Variants in LUZP2 observed in about 807,000 individuals in gnomAD.
LUZP2 encodes the protein leucine zipper protein 2.
A neutral mutation model predicts 51.6 loss-of-function variants in LUZP2; 52 were observed. The observed-to-expected ratio is 1.01, with a 90% confidence interval of 0.81 to 1.27. The LOEUF (loss-of-function observed/expected upper bound fraction) is 1.27, where lower values mean the gene tolerates loss of function less well. LUZP2 is among the 50% of genes most tolerant of loss of function. The pLI is 0.00. For missense variants in LUZP2, 436 were observed against 395.4 expected, an observed-to-expected ratio of 1.10 and a Z score of -0.87; for synonymous variants, 154 against 137.3, an observed-to-expected ratio of 1.12 and a Z score of -0.85.
chr11:24,669,865 A>G (rs970005385), intron 1 of LUZP2, among the ~76,000 whole-genome samples: 2 of 152,072 alleles, frequency 1.3e-5, no homozygotes, highest in African/African-American at 4.8e-5. Flanking sequence ...TATAATTTCT[A>G]TTGATTACTT....
At chr11:24,867,440 C>T (rs566472083) in intron 5 of LUZP2, among the ~76,000 whole-genome samples, 1 of 152,118 alleles carries the variant, frequency 6.6e-6, no homozygotes. Context: ...TTCTTCCAGT[C>T]ATTTTGTTAT....
intron 5 of LUZP2, among the ~76,000 whole-genome samples, chr11:24,843,859 T>A (rs1035971829): frequency 2.0e-5 from 3 of 152,216 alleles, no homozygotes; most frequent in Non-Finnish European, 4.4e-5. Flanking sequence ...GTCTCTCTCT[T>A]TGCCTGCCAC....
At chr11:24,896,496 A>C (rs7930776) in intron 5 of LUZP2, among the ~76,000 whole-genome samples, 1 of 152,160 alleles carries the variant, frequency 6.6e-6, no homozygotes, top group Non-Finnish European at 1.5e-5. Flanking sequence ...TGCTGCGCTC[A>C]AATTCTCGCC....
intron 6 of LUZP2, among the ~76,000 whole-genome samples, chr11:24,910,667 G>T (rs1853599886): frequency 6.6e-6 from 1 of 152,212 alleles, no homozygotes. Flanking sequence ...GAGGAGGTAT[G>T]GAAATGCCTG....
chr11:24,905,389 A>T (rs548577577), intron 5 of LUZP2, among the ~76,000 whole-genome samples: 1 of 152,192 alleles, frequency 6.6e-6, no homozygotes, highest in South Asian at 2.1e-4. Context: ...TTAGCCAGGC[A>T]TGGTGGTGCA....
intron 1 of LUZP2, among the ~76,000 whole-genome samples, chr11:24,616,642 A>T (rs12274586): frequency 0.22 from 33,686 of 151,852 alleles, 4,595 homozygotes; most frequent in African/African-American, 0.38. Flanking sequence ...CTGAGTTGTC[A>T]GTGGTGTTGC....
At chr11:24,604,424 A>G (rs1328801003) in intron 1 of LUZP2, among the ~76,000 whole-genome samples, 1 of 151,874 alleles carries the variant, frequency 6.6e-6, no homozygotes, top group African/African-American at 2.4e-5. Context: ...GCTTCAAGAT[A>G]TAATGAAACA....
At chr11:24,566,919 GTATATATGTATA>G (rs1852257837) in intron 1 of LUZP2, among the ~76,000 whole-genome samples, 1 of 141,914 alleles carries the variant, frequency 7.0e-6, no homozygotes, top group Non-Finnish European at 1.5e-5. Context: ...ATATATATAT[GTATATATGTATA>G]TATATATACA....
At chr11:25,053,298 T>C (rs1035586817) in intron 10 of LUZP2, among the ~76,000 whole-genome samples, 6 of 152,146 alleles carry the variant, frequency 3.9e-5, no homozygotes, top group Non-Finnish European at 5.9e-5. Context: ...GGTTAACTTT[T>C]TTCTATTTAC....
chr11:24,738,420 A>C (rs1265281366), intron 4 of LUZP2, 118 bp downstream of exon 4: 1 of 685,626 alleles, frequency 1.5e-6, no homozygotes, highest in African/African-American at 1.8e-5. Flanking sequence ...AAGACAATAA[A>C]AGAAGCATCA....
chr11:24,736,469 GTCCTTCCTTCCTTCCTTCCTTCCT>G (rs61318393), intron 3 of LUZP2, among the ~76,000 whole-genome samples: 39 of 146,410 alleles, frequency 2.7e-4, no homozygotes, highest in African/African-American at 6.9e-4. Flanking sequence ...TAACATGTAG[GTCCTTCCTTCCTTCCTTCCTTCCT>G]TCCTTCCTTC....
intron 1 of LUZP2, among the ~76,000 whole-genome samples, chr11:24,515,589 A>G (rs1279213780): frequency 6.6e-6 from 1 of 152,160 alleles, no homozygotes; most frequent in Non-Finnish European, 1.5e-5. Context: ...TAGCTGTGTA[A>G]GGTGTCACAG....
intron 5 of LUZP2, among the ~76,000 whole-genome samples, chr11:24,828,577 A>G (rs1003279443): frequency 2.0e-5 from 3 of 146,896 alleles, no homozygotes; most frequent in Admixed American, 6.8e-5. Flanking sequence ...AAAAAAAAAC[A>G]TATCTACTAA....
chr11:25,061,524 G>T (rs781742651), intron 10 of LUZP2, among the ~76,000 whole-genome samples: 1 of 152,086 alleles, frequency 6.6e-6, no homozygotes, highest in Non-Finnish European at 1.5e-5. Flanking sequence ...TGGGTGAACC[G>T]CATAGTGAAG....
chr11:24,767,293 CCTT>C (rs1255309802), intron 5 of LUZP2, among the ~76,000 whole-genome samples: 11 of 152,068 alleles, frequency 7.2e-5, no homozygotes, highest in Non-Finnish European at 1.3e-4. Context: ...CTTGTGTAAT[CCTT>C]CTGTTAAAAA....
At chr11:25,076,389 G>A (rs1447852996) in intron 10 of LUZP2, among the ~76,000 whole-genome samples, 1 of 151,888 alleles carries the variant, frequency 6.6e-6, no homozygotes, top group Non-Finnish European at 1.5e-5. Flanking sequence ...CCTTGCACGT[G>A]GAAAAGATTA....
chr11:24,750,562 T>G (rs1859541112), intron 4 of LUZP2, among the ~76,000 whole-genome samples: 1 of 152,230 alleles, frequency 6.6e-6, no homozygotes, highest in African/African-American at 2.4e-5. Context: ...CTTATAATAA[T>G]GTATTCAAAA....
At chr11:24,954,310 A>G (rs10767282) in intron 7 of LUZP2, among the ~76,000 whole-genome samples, 69,714 of 151,866 alleles carry the variant, frequency 0.46, 16,307 homozygotes, top group East Asian at 0.74. Flanking sequence ...GCAATATTTT[A>G]TCTGTCTCTT....
chr11:24,729,129 A>G, intron 1 of LUZP2, 40 bp from the exon 2 acceptor site: 1 of 1,076,882 alleles, frequency 9.3e-7, no homozygotes, highest in Non-Finnish European at 1.3e-6. Flanking sequence ...GCCAAGTGGA[A>G]CCATTTGGGG....
Sources: gnomAD v4.1 joint callset for allele counts (sites outside exome capture counted in the v4.1 genomes callset) on GRCh38, gnomAD v4.1.1 for gene constraint, MANE v1.5 for transcripts, NCBI Gene and HGNC (gene_info 2026-07-23, HGNC 2026-07-21) for gene names.